The following PIK3CB variants were observed in gnomAD, a reference collection of about 807,000 sequenced individuals.
The protein encoded by PIK3CB is phosphatidylinositol-4,5-bisphosphate 3-kinase catalytic subunit beta, also known as phosphatidylinositol 4,5-bisphosphate 3-kinase catalytic subunit beta isoform.
A neutral mutation model predicts 136.8 loss-of-function variants in PIK3CB; 39 were observed. That is an observed-to-expected ratio of 0.29 (90% CI 0.22 to 0.37). The LOEUF (loss-of-function observed/expected upper bound fraction) is 0.37. Among genes scored for constraint, PIK3CB ranks in the 10% least tolerant of loss-of-function variants. PIK3CB has a pLI of 1.00. For synonymous variants in PIK3CB, 428 were observed against 436.6 expected (o/e 0.98, Z 0.25); for missense variants, 868 against 1,275.4 (o/e 0.68, Z 4.87).
At chr3:138,831,067 G>C (rs1206834977) in intron 1 of PIK3CB, among the ~76,000 whole-genome samples, 1 of 149,726 alleles carries the variant, frequency 6.7e-6, no homozygotes, top group Admixed American at 6.7e-5. Flanking sequence ...CGGATCACGA[G>C]GTCAGGAGAT....
chr3:138,736,324 C>A (rs900541788), intron 6 of PIK3CB, among the ~76,000 whole-genome samples: 15 of 152,180 alleles, frequency 9.9e-5, no homozygotes, highest in Non-Finnish European at 1.5e-4. Flanking sequence ...GAGGGCCACA[C>A]CAGAAACCTG....
intron 3 of PIK3CB, among the ~76,000 whole-genome samples, chr3:138,758,297 T>C (rs2045609115): frequency 6.6e-6 from 1 of 152,164 alleles, no homozygotes; most frequent in South Asian, 2.1e-4. Context: ...TTTGGGATGA[T>C]GGTTAAGTGC....
chr3:138,679,936 T>TAAAAAAAAAAA (rs61222749), intron 19 of PIK3CB, among the ~76,000 whole-genome samples: 2 of 110,846 alleles, frequency 1.8e-5, no homozygotes, highest in Admixed American at 8.8e-5. Flanking sequence ...AACACAAAAG[T>TAAAAAAAAAAA]AAAAAAAAAA....
chr3:138,714,112 T>C (rs2044560512), intron 9 of PIK3CB, among the ~76,000 whole-genome samples: 1 of 152,222 alleles, frequency 6.6e-6, no homozygotes, highest in Admixed American at 6.5e-5. Flanking sequence ...AACATATCTG[T>C]CACATGAAAT....
chr3:138,694,859 G>C lies in PIK3CB; in HGVS notation c.1819C>G (p.Leu607Val). Residue 607 changes from leucine (L) to valine (V), a missense_variant, in exon 14 of 24, where the codon CTA becomes GTA. Physicochemically the swap from Leu to Val is conservative, Grantham distance 32 (BLOSUM62 1). Around this residue, in one of 4 missense-constraint regions of PIK3CB, gnomAD observed 612 missense variants for 801.1 expected, o/e 0.76. Coordinates refer to ENST00000674063, the MANE Select transcript of PIK3CB (RefSeq NM_006219.3). The stretch of plus-strand genomic sequence containing the variant: ...GGATAGTTGAAATCCAGAAGCTCTA[G>C]GGCCTCCCGGGGGGGCAGTTTAGGC... ...IWPKLPPREA[L>V]ELLDFNYPDQ... The C allele has an allele frequency of 1.2e-6, 2 of 1,612,822 alleles. No individual in the cohort carries two copies. The highest frequency in any genetic ancestry group is 1.1e-5 in the South Asian group (1 of 90,748).
intron 16 of PIK3CB, among the ~76,000 whole-genome samples, chr3:138,686,056 GAA>G (rs2043885714): frequency 6.6e-6 from 1 of 152,048 alleles, no homozygotes; most frequent in Non-Finnish European, 1.5e-5. Flanking sequence ...AGAATCACTG[GAA>G]CCTGGGAGCT....
intron 6 of PIK3CB, 146 bp from the exon 7 acceptor site, chr3:138,734,950 AAATTTTT>A: frequency 2.5e-6 from 1 of 397,832 alleles, no homozygotes; most frequent in Non-Finnish European, 4.2e-6. Context: ...TAAAAAAAAA[AAATTTTT>A]TTTTTTTTTT....
chr3:138,765,862 C>T (rs2045726477), intron 2 of PIK3CB, among the ~76,000 whole-genome samples: 2 of 151,788 alleles, frequency 1.3e-5, no homozygotes, highest in African/African-American at 2.4e-5. Flanking sequence ...AAGAGTGAGA[C>T]GAAGTGGGGC....
chr3:138,656,327 C>T (rs2043191467), intron 22 of PIK3CB, 53 bp from the exon 23 acceptor site: 9 of 1,579,742 alleles, frequency 5.7e-6, no homozygotes, highest in African/African-American at 1.3e-5. Flanking sequence ...GGAGAGAGCA[C>T]ATTTCATACA....
chr3:138,828,748 A>G (rs1246716342), intron 1 of PIK3CB, among the ~76,000 whole-genome samples: 1 of 151,914 alleles, frequency 6.6e-6, no homozygotes, highest in Non-Finnish European at 1.5e-5. Context: ...CAGCTTAGGC[A>G]GCATAAGGAG....
chr3:138,817,955 C>A (rs1045116461), intron 1 of PIK3CB, among the ~76,000 whole-genome samples: 2 of 152,024 alleles, frequency 1.3e-5, no homozygotes, highest in Non-Finnish European at 2.9e-5. Flanking sequence ...GATCCCATCT[C>A]TAATAAGGAA....
intron 10 of PIK3CB, among the ~76,000 whole-genome samples, chr3:138,711,939 G>C (rs2044509797): frequency 6.6e-6 from 1 of 151,362 alleles, no homozygotes; most frequent in Non-Finnish European, 1.5e-5. Flanking sequence ...GCGAGACCTT[G>C]TCTCGACAAA....
intron 20 of PIK3CB, among the ~76,000 whole-genome samples, chr3:138,664,311 A>C (rs561025013): frequency 3.8e-4 from 58 of 152,236 alleles, no homozygotes; most frequent in African/African-American, 1.3e-3. Context: ...TAATGTTCAC[A>C]GTACTTAGAA....
chr3:138,764,045 A>G (rs2108747269), intron 2 of PIK3CB, among the ~76,000 whole-genome samples: 1 of 149,790 alleles, frequency 6.7e-6, no homozygotes, highest in East Asian at 2.0e-4. Flanking sequence ...CGGGAGGCGG[A>G]GGTTGCAGTG....
intron 2 of PIK3CB, among the ~76,000 whole-genome samples, chr3:138,782,641 T>G (rs1275291761): frequency 6.6e-6 from 1 of 152,204 alleles, no homozygotes; most frequent in African/African-American, 2.4e-5. Flanking sequence ...AGTGGAATGT[T>G]CAGTGGAAAT....
At chr3:138,748,917 A>G (rs1428105938) in intron 4 of PIK3CB, among the ~76,000 whole-genome samples, 1 of 152,196 alleles carries the variant, frequency 6.6e-6, no homozygotes, top group African/African-American at 2.4e-5. Context: ...TAAGGGTTGC[A>G]TTGTCTTTTT....
At chr3:138,807,262 C>T (rs901063303) in intron 1 of PIK3CB, among the ~76,000 whole-genome samples, 10 of 151,952 alleles carry the variant, frequency 6.6e-5, no homozygotes, top group East Asian at 3.9e-4. Flanking sequence ...GGTGAAACCC[C>T]GTCTCTACAA....
chr3:138,654,614 TG>T lies in PIK3CB; in HGVS notation c.*774del, dbSNP rs2043162131. Reference sequence around the variant, plus strand: ...TCATTATAGAAGCAGCTGGAAGAACTGGATCACACAGTTACCTAACTGAAAA... The same window carrying T: ...TCATTATAGAAGCAGCTGGAAGAACTGATCACACAGTTACCTAACTGAAAA... On this transcript the variant is annotated 3_prime_UTR_variant, in exon 24 of 24. Transcript: ENST00000674063. The T allele has an allele frequency of 4.4e-6, 1 of 227,464 alleles. No homozygotes were observed. The highest frequency in any genetic ancestry group is 8.7e-6 in the Non-Finnish European group (1 of 114,400). 14.1% of individuals were successfully genotyped at this position (227,464 alleles called of 1,614,324 possible). A position where few individuals can be genotyped will look rare whatever the true frequency, so the allele number is the denominator to read the frequency against.
chr3:138,721,330 T>A (rs1174072792), intron 8 of PIK3CB, among the ~76,000 whole-genome samples: 1 of 152,040 alleles, frequency 6.6e-6, no homozygotes, highest in South Asian at 2.1e-4. Flanking sequence ...ACCTGGCTAA[T>A]TTTTTTGTAT....
Sources: allele counts gnomAD v4.1 joint callset (sites outside exome capture counted in the v4.1 genomes callset), GRCh38; gene constraint gnomAD v4.1.1; regional missense constraint gnomAD v4.1.1; transcripts MANE v1.5; gene names NCBI Gene and HGNC (gene_info 2026-07-23, HGNC 2026-07-21).